NXPH2: variants seen among roughly 807,000 people sequenced by gnomAD.
NXPH2 encodes the protein neurexophilin 2.
NXPH2 carries 5 observed loss-of-function variants against 19.8 expected under a neutral mutation model. That is an observed-to-expected ratio of 0.25 (90% CI 0.13 to 0.53). The LOEUF (loss-of-function observed/expected upper bound fraction) is 0.53, where lower values mean the gene tolerates loss of function less well. NXPH2 is among the 20% of genes least tolerant of loss of function. NXPH2 has a pLI of 0.96. For synonymous variants in NXPH2, 154 were observed against 127.4 expected (o/e 1.21, Z -1.41); for missense variants, 289 against 322.8 (o/e 0.90, Z 0.80).
chr2:138,759,854 C>T (rs551251314), intron 1 of NXPH2, among the ~76,000 whole-genome samples: 33 of 151,930 alleles, frequency 2.2e-4, no homozygotes, highest in Middle Eastern at 3.4e-3. Context: ...CTCAGCCTCC[C>T]GCTTAGCTGG....
chr2:138,725,445 A>C lies in NXPH2; in HGVS notation c.52-53780T>G, dbSNP rs1034830479. On this transcript the variant is annotated intron_variant, in intron 1 of 1. Coordinates refer to ENST00000272641, the MANE Select transcript of NXPH2 (RefSeq NM_007226.3). ...TGGGGAAGGATTGAGAAAGGAGGTG[A>C]ATCCATAAAGTTAGGATTTCTCACA... Among the ~76,000 whole-genome samples, 5 of 152,240 alleles carry C rather than the reference A, an allele frequency of 3.3e-5. 1 individual carries two copies. Among genetic ancestry groups the C allele is most frequent in the Middle Eastern group, 6.3e-3 (2 of 316 alleles).
chr2:138,688,502 C>G lies in NXPH2; in HGVS notation c.52-16837G>C, dbSNP rs114954177. ...CGGATGAGGCATCTTTTTTTAAAGT[C>G]TTTACCTAGCTCCCTGTTACCTAGA... On this transcript the variant is annotated intron_variant, in intron 1 of 1. Coordinates refer to ENST00000272641, the MANE Select transcript of NXPH2 (RefSeq NM_007226.3). Among the ~76,000 whole-genome samples the G allele has an allele frequency of 6.0e-3, 911 of 152,194 alleles. 8 individuals carry two copies. Among genetic ancestry groups the G allele is most frequent in the African/African-American group, 0.02 (836 of 41,542 alleles).
intron 1 of NXPH2, among the ~76,000 whole-genome samples, chr2:138,706,770 G>C (rs1352099584): frequency 6.6e-6 from 1 of 151,780 alleles, no homozygotes; most frequent in Non-Finnish European, 1.5e-5. Context: ...AGGTGTGGTA[G>C]TGTGTACCTG....
intron 1 of NXPH2, among the ~76,000 whole-genome samples, chr2:138,687,202 T>A (rs910343737): frequency 6.6e-6 from 1 of 152,206 alleles, no homozygotes; most frequent in African/African-American, 2.4e-5. Flanking sequence ...CTCCACATCC[T>A]CTCCAGCACC....
intron 1 of NXPH2, among the ~76,000 whole-genome samples, chr2:138,707,977 G>C (rs1681042955): frequency 6.6e-6 from 1 of 152,064 alleles, no homozygotes; most frequent in African/African-American, 2.4e-5. Flanking sequence ...GATTACTACA[G>C]ATACTCCCTC....
chr2:138,748,256 T>C (rs1243272281), intron 1 of NXPH2, among the ~76,000 whole-genome samples: 2 of 152,210 alleles, frequency 1.3e-5, no homozygotes, highest in Non-Finnish European at 2.9e-5. Flanking sequence ...AACACAGGAA[T>C]GAGACAGTTA....
In NXPH2 at chr2:138,743,642, G is replaced by A. The variant is rs369264884; in HGVS notation, c.51+36549C>T. Among the ~76,000 whole-genome samples, 7 of 152,216 alleles carry A rather than the reference G, an allele frequency of 4.6e-5. No individual in the cohort carries two copies. The South Asian group carries it at 8.3e-4, about 18-fold the overall frequency. On this transcript the variant is annotated intron_variant, in intron 1 of 1. Coordinates refer to ENST00000272641, the MANE Select transcript of NXPH2 (RefSeq NM_007226.3). ...ACCTGTGAATATACTGAAACCCACA[G>A]AATAAGACACTTTGAAAGAGTGAAT...
At chr2:138,710,817 C>T (rs942355052) in intron 1 of NXPH2, among the ~76,000 whole-genome samples, 1 of 152,108 alleles carries the variant, frequency 6.6e-6, no homozygotes, top group Non-Finnish European at 1.5e-5. Context: ...CTGAAGCAGC[C>T]CAACACACCT....
At chr2:138,768,228 G>GAT (rs1189125095) in intron 1 of NXPH2, among the ~76,000 whole-genome samples, 1 of 151,972 alleles carries the variant, frequency 6.6e-6, no homozygotes, top group Non-Finnish European at 1.5e-5. Context: ...TTTTCCTGAT[G>GAT]ATTTCTCTTA....
In NXPH2 at chr2:138,779,194, T is replaced by C. The variant is rs191073961; in HGVS notation, c.51+997A>G. Among the ~76,000 whole-genome samples the C allele has an allele frequency of 2.6e-5, 4 of 152,318 alleles. No individual in the cohort carries two copies. In the East Asian group the frequency reaches 7.7e-4, roughly 29 times the overall value. On this transcript the variant is annotated intron_variant, in intron 1 of 1. Coordinates refer to ENST00000272641, the MANE Select transcript of NXPH2 (RefSeq NM_007226.3). ...TTAAGTATGAGGACCAAAGAAACTA[T>C]GGCATCAGGAGAAAGCCCTCTTAAT...
At chr2:138,736,826 T>G (rs1681552215) in intron 1 of NXPH2, among the ~76,000 whole-genome samples, 1 of 152,244 alleles carries the variant, frequency 6.6e-6, no homozygotes, top group South Asian at 2.1e-4. Context: ...TAGAAATTTC[T>G]TCTGCCAGAT....
chr2:138,753,469 T>A (rs1681856520), intron 1 of NXPH2, among the ~76,000 whole-genome samples: 1 of 152,174 alleles, frequency 6.6e-6, no homozygotes, highest in South Asian at 2.1e-4. Flanking sequence ...TTTTCTTGTA[T>A]GAAAAATGGT....
At chr2:138,755,198 T>C (rs1486581663) in intron 1 of NXPH2, among the ~76,000 whole-genome samples, 1 of 152,082 alleles carries the variant, frequency 6.6e-6, no homozygotes, top group East Asian at 1.9e-4. Context: ...TTAATTACAA[T>C]AAGGTTCAAG....
At chr2:138,723,026 C>T (rs949881577) in intron 1 of NXPH2, among the ~76,000 whole-genome samples, 1 of 152,142 alleles carries the variant, frequency 6.6e-6, no homozygotes, top group African/African-American at 2.4e-5. Context: ...TTAAGTACCA[C>T]ATTATTTTAT....
chr2:138,682,565 T>A (rs1680594439), intron 1 of NXPH2, among the ~76,000 whole-genome samples: 1 of 152,194 alleles, frequency 6.6e-6, no homozygotes, highest in Non-Finnish European at 1.5e-5. Context: ...GAAAAACAAA[T>A]GATTGCTTAG....
chr2:138,765,128 G>A (rs970493166), intron 1 of NXPH2, among the ~76,000 whole-genome samples: 10 of 152,178 alleles, frequency 6.6e-5, no homozygotes, highest in African/African-American at 2.4e-4. Flanking sequence ...CATGCAGTGA[G>A]AAAGTTCAGT....
At chr2:138,728,309 T>C (rs1463855847) in intron 1 of NXPH2, among the ~76,000 whole-genome samples, 2 of 152,222 alleles carry the variant, frequency 1.3e-5, no homozygotes, top group African/African-American at 4.8e-5. Context: ...AGGACTCTGA[T>C]TCTGGACTTT....
At chr2:138,695,082 G>A (rs1680809600) in intron 1 of NXPH2, among the ~76,000 whole-genome samples, 1 of 152,116 alleles carries the variant, frequency 6.6e-6, no homozygotes, top group Middle Eastern at 3.2e-3. Flanking sequence ...TAATCCTATA[G>A]GACAACCATC....
At chr2:138,726,279 A>C (rs1681357527) in intron 1 of NXPH2, among the ~76,000 whole-genome samples, 1 of 152,100 alleles carries the variant, frequency 6.6e-6, no homozygotes, top group African/African-American at 2.4e-5. Flanking sequence ...TCCTGACCTG[A>C]AGTGATCTGC....
Sources: gnomAD v4.1 joint callset for allele counts (sites outside exome capture counted in the v4.1 genomes callset) on GRCh38, gnomAD v4.1.1 for gene constraint, MANE v1.5 for transcripts, NCBI Gene and HGNC (gene_info 2026-07-23, HGNC 2026-07-21) for gene names.